Variants in HEATR5B observed in about 807,000 individuals in gnomAD.
HEATR5B encodes HEAT repeat-containing protein 5B.
A neutral mutation model predicts 224.1 loss-of-function variants in HEATR5B; 156 were observed. The observed-to-expected ratio is 0.70, with a 90% CI of 0.61 to 0.80. The LOEUF (loss-of-function observed/expected upper bound fraction) is 0.80, where lower values mean the gene tolerates loss of function less well. Ranked by LOEUF, HEATR5B falls within the 30% of genes least tolerant of loss-of-function variation. The pLI, the probability that HEATR5B is intolerant of heterozygous loss-of-function variation, is 0.00. For synonymous variants in HEATR5B, 1,027 were observed against 893.0 expected (o/e 1.15, Z -2.68); for missense variants, 2,323 against 2,535.5 (o/e 0.92, Z 1.80).
chr2:37,009,845 T>G (rs927470485), intron 27 of HEATR5B, among the ~76,000 whole-genome samples: 6 of 151,630 alleles, frequency 4.0e-5, no homozygotes, highest in Non-Finnish European at 8.8e-5. Context: ...CTAGACTTAT[T>G]AGACAACCAG....
At chr2:36,994,843 C>G (rs189412577) in intron 33 of HEATR5B, among the ~76,000 whole-genome samples, 2 of 151,992 alleles carry the variant, frequency 1.3e-5, no homozygotes, top group Non-Finnish European at 2.9e-5. Flanking sequence ...GCTCCGCCCC[C>G]GGGTTCACGC....
chr2:37,077,401 T>C (rs1178498146), intron 3 of HEATR5B, among the ~76,000 whole-genome samples: 1 of 152,116 alleles, frequency 6.6e-6, no homozygotes, highest in African/African-American at 2.4e-5. Flanking sequence ...CTCTGCCTCC[T>C]GGGTTCAAGC....
intron 21 of HEATR5B, among the ~76,000 whole-genome samples, chr2:37,037,086 C>T (rs972992298): frequency 1.4e-5 from 2 of 143,994 alleles, no homozygotes; most frequent in African/African-American, 5.1e-5. Flanking sequence ...CCAACAGATA[C>T]TCAGAAGTAT....
chr2:37,069,048 A>G (rs1483774622), intron 7 of HEATR5B, 118 bp from the exon 8 acceptor site: 1 of 1,060,328 alleles, frequency 9.4e-7, no homozygotes, highest in African/African-American at 1.6e-5. Context: ...ATTTGAGGCT[A>G]AAACAGAGAA....
At chr2:37,072,523 T>C (rs1196921629) in intron 5 of HEATR5B, among the ~76,000 whole-genome samples, 2 of 152,222 alleles carry the variant, frequency 1.3e-5, no homozygotes, top group Admixed American at 6.5e-5. Context: ...GGGAGAAACA[T>C]GTAACACTAA....
chr2:37,000,638 C>A lies in HEATR5B; in HGVS notation c.5493G>T (p.Trp1831Cys). 2 of 1,614,190 alleles carry A rather than the reference C, an allele frequency of 1.2e-6. No individual in the cohort carries two copies. Among genetic ancestry groups the A allele is most frequent in the Non-Finnish European group, 1.7e-6 (2 of 1,180,030 alleles). ...CAAGCGTGCTACGAATCAGAGCTGT[C>A]CACTGTTTTTGAACGCCAGCCTCAG... is the stretch of plus-strand genomic sequence containing the variant. The part of the protein sequence containing the change: ...AKTEAGVQKQ[W>C]TALIRSTLAC... Residue 1831 changes from tryptophan to cysteine, a missense_variant, in exon 33 of 36, where the codon TGG becomes TGT. Transcript: ENST00000233099.
chr2:37,056,120 T>C (rs1013235530), intron 16 of HEATR5B, among the ~76,000 whole-genome samples: 9 of 151,936 alleles, frequency 5.9e-5, no homozygotes, highest in Non-Finnish European at 1.2e-4. Flanking sequence ...CAAACTATTA[T>C]AATGCATTTT....
chr2:37,060,463 C>A, intron 12 of HEATR5B, 118 bp downstream of exon 12: 2 of 798,556 alleles, frequency 2.5e-6, no homozygotes, highest in Non-Finnish European at 3.7e-6. Context: ...ATCTAAAAGC[C>A]TATGAATTTA....
Position 37,013,845 on chromosome 2 carries a change from G to A in HEATR5B, c.4280C>T (p.Ala1427Val). The change falls in exon 27 of 36, where the codon GCA becomes GTA. Residue 1427 changes from alanine to valine, a missense_variant. By Grantham distance (64) the Ala-to-Val change is moderately conservative (BLOSUM62 0). Coordinates refer to ENST00000233099, the MANE Select transcript of HEATR5B (RefSeq NM_019024.3). Reference sequence around the variant, plus strand: ...AGATTGTGGTTTAGTCGTTACCTCTGCCCAAGCTTTGAGAACAGCCAGTTT... The same window carrying A: ...AGATTGTGGTTTAGTCGTTACCTCTACCCAAGCTTTGAGAACAGCCAGTTT... ...MEKLAVLKAW[A>V]EVYVVAMNIK... The A allele has an allele frequency of 6.3e-7, 1 of 1,579,890 alleles. No individual in the cohort carries two copies. The highest frequency in any genetic ancestry group is 8.6e-7 in the Non-Finnish European group (1 of 1,161,214).
chr2:37,013,243 A>G (rs1204209437), intron 27 of HEATR5B, among the ~76,000 whole-genome samples: 1 of 152,224 alleles, frequency 6.6e-6, no homozygotes, highest in Non-Finnish European at 1.5e-5. Flanking sequence ...CTGGTAGAGG[A>G]AGGAATTAGT....
At chr2:37,018,424 G>A (rs1163086316) in intron 26 of HEATR5B, among the ~76,000 whole-genome samples, 2 of 152,276 alleles carry the variant, frequency 1.3e-5, no homozygotes, top group East Asian at 3.9e-4. Flanking sequence ...AAATTACCTA[G>A]TCGAAGGTTT....
Position 37,067,027 on chromosome 2 carries a change from G to A in HEATR5B, c.1178-1117C>T, listed in dbSNP as rs146605848. Among the ~76,000 whole-genome samples the A allele has an allele frequency of 2.7e-3, 415 of 151,904 alleles. 2 individuals are homozygous for A. Among genetic ancestry groups the A allele is most frequent in the African/African-American group, 9.4e-3 (390 of 41,480 alleles). On this transcript the variant is annotated intron_variant, in intron 8 of 35. Coordinates refer to ENST00000233099, the MANE Select transcript of HEATR5B (RefSeq NM_019024.3). ...TGGGACTACAGGTGTACGCCACCAC[G>A]CCTGATTAATTTTTGTATTTTTTAA...
chr2:37,006,122 T>G (rs17038861), intron 29 of HEATR5B, among the ~76,000 whole-genome samples: 28,113 of 151,996 alleles, frequency 0.18, 3,258 homozygotes, highest in East Asian at 0.54. Context: ...TAATTTTTCA[T>G]GCATACAAAG....
intron 26 of HEATR5B, among the ~76,000 whole-genome samples, chr2:37,015,046 T>C (rs946025860): frequency 2.0e-5 from 3 of 151,796 alleles, no homozygotes; most frequent in African/African-American, 7.3e-5. Flanking sequence ...AAAACACAGA[T>C]TGAATGAACA....
At chr2:37,064,527 T>C (rs76534868) in intron 10 of HEATR5B, among the ~76,000 whole-genome samples, 4 of 152,094 alleles carry the variant, frequency 2.6e-5, no homozygotes, top group East Asian at 1.9e-4. Context: ...TTATAACATG[T>C]TACTAGACTT....
rs1011162722 is a variant in HEATR5B, at chr2:37,012,483, C to A, written c.4284+1358G>T. Among the ~76,000 whole-genome samples, 14 of 152,172 alleles carry A rather than the reference C, an allele frequency of 9.2e-5. No homozygotes were observed. The South Asian group carries it at 2.9e-3, about 32-fold the overall frequency. On this transcript the variant is annotated intron_variant, in intron 27 of 35. Coordinates refer to ENST00000233099, the MANE Select transcript of HEATR5B (RefSeq NM_019024.3). Reference sequence around the variant, plus strand: ...TTGGCTCACTGCAATCTCTGCCTCCCGGGTTCAAGTGATTCTCCTGCCTCA... The same window carrying A: ...TTGGCTCACTGCAATCTCTGCCTCCAGGGTTCAAGTGATTCTCCTGCCTCA...
chr2:37,002,495 A>G lies in HEATR5B; in HGVS notation c.5128T>C (p.Ser1710Pro), dbSNP rs1667155903. 4 of 1,613,990 alleles carry G rather than the reference A, an allele frequency of 2.5e-6. No homozygotes were observed. The highest frequency in any genetic ancestry group is 2.5e-6 in the Non-Finnish European group (3 of 1,180,004). The change falls in exon 32 of 36, where the codon TCT becomes CCT. Residue 1710 changes from serine (S) to proline (P), a missense_variant. This residue lies in a region of HEATR5B where 844 missense variants were observed against 812.9 expected (regional missense o/e 1.04). Coordinates refer to ENST00000233099, the MANE Select transcript of HEATR5B (RefSeq NM_019024.3). ...AGCTCCATAGTTGCAAACACAAGAG[A>G]TTTTCCAGGAATGAGACCACCGCTG... Reference protein sequence around the residue: ...GDSGGLIPGKSLVFATMELLM... With the variant: ...GDSGGLIPGKPLVFATMELLM...
chr2:37,074,413 T>C (rs746289696), intron 5 of HEATR5B, among the ~76,000 whole-genome samples: 1 of 143,074 alleles, frequency 7.0e-6, no homozygotes, highest in Non-Finnish European at 1.6e-5. Context: ...TTGCAACATA[T>C]ACAAAAATTA....
In HEATR5B at chr2:37,056,643, C is replaced by T. The variant is rs773173106; in HGVS notation, c.2224-28G>A. On this transcript the variant is annotated intron_variant, in intron 15 of 35. Transcript: ENST00000233099. ...GCAAAAGAGTGAAATAAAAATTATT[C>T]AAAATCTACTTTAGGAAATCTACTT... 5.8e-6 allele frequency: 9 copies of T among 1,555,060 alleles called. 1 individual carries two copies. In the South Asian group the frequency reaches 1.1e-4, roughly 19 times the overall value.
Sources: allele counts gnomAD v4.1 joint callset (sites outside exome capture counted in the v4.1 genomes callset), GRCh38; gene constraint gnomAD v4.1.1; regional missense constraint gnomAD v4.1.1; transcripts MANE v1.5; gene names NCBI Gene and HGNC (gene_info 2026-07-23, HGNC 2026-07-21).